PCDH17: variants seen among roughly 807,000 people sequenced by gnomAD.
PCDH17 encodes protocadherin 17.
Under a neutral mutation model 67.7 loss-of-function variants are expected in PCDH17, and 21 were observed. That is an observed-to-expected ratio of 0.31 (90% CI 0.22 to 0.45). The LOEUF (loss-of-function observed/expected upper bound fraction) is 0.45. Ranked by LOEUF, PCDH17 falls within the 20% of genes least tolerant of loss-of-function variation. The probability of loss-of-function intolerance (pLI) is 1.00; values close to 1 mark genes in which losing one functional copy is unlikely to be tolerated. For synonymous variants in PCDH17, 701 were observed against 656.7 expected (o/e 1.07, Z -1.03); for missense variants, 1,471 against 1,564.8 (o/e 0.94, Z 1.01).
chr13:57,661,424 TA>T (rs1955182441), intron 1 of PCDH17, among the ~76,000 whole-genome samples: 1 of 152,166 alleles, frequency 6.6e-6, no homozygotes, highest in Non-Finnish European at 1.5e-5. Context: ...AGCTTGTTTT[TA>T]AATTCTCTTA....
In PCDH17 at chr13:57,665,172, T is replaced by TGGG. The variant is rs549277336; in HGVS notation, c.2566-1290_2566-1288dup. 8.5e-3 allele frequency among the ~76,000 whole-genome samples: 1,286 copies of TGGG among 150,448 alleles called. 23 individuals are homozygous for TGGG. The highest frequency in any genetic ancestry group is 0.03 in the African/African-American group (1,232 of 41,034). ...AAAAGGTTATATATTAAGAAATTTG[T>TGGG]GGGGGGGGTTTCTGTCCCCAAACTT... is the stretch of plus-strand genomic sequence containing the variant. On this transcript the variant is annotated intron_variant, in intron 1 of 3. Transcript: ENST00000377918.
chr13:57,638,445 G>A (rs1954851447), intron 1 of PCDH17, among the ~76,000 whole-genome samples: 3 of 151,934 alleles, frequency 2.0e-5, no homozygotes, highest in African/African-American at 7.2e-5. Context: ...GAACATCTGT[G>A]TTTTCACATT....
intron 3 of PCDH17, among the ~76,000 whole-genome samples, chr13:57,702,358 C>T (rs997001121): frequency 5.3e-5 from 8 of 151,920 alleles, no homozygotes; most frequent in Non-Finnish European, 7.4e-5. Flanking sequence ...GGCATCATAA[C>T]CTAATAGTAG....
At chr13:57,640,151 T>C (rs904341431) in intron 1 of PCDH17, among the ~76,000 whole-genome samples, 1 of 152,006 alleles carries the variant, frequency 6.6e-6, no homozygotes, top group African/African-American at 2.4e-5. Flanking sequence ...AGCATTTATA[T>C]TTTATCATGT....
In PCDH17 at chr13:57,668,577, G is replaced by A. The variant is rs150495897; in HGVS notation, c.2797+1744G>A. Among the ~76,000 whole-genome samples the A allele has an allele frequency of 4.1e-4, 62 of 152,080 alleles. 2 individuals are homozygous for A. The highest frequency in any genetic ancestry group is 7.2e-4 in the Admixed American group (11 of 15,240). On this transcript the variant is annotated intron_variant, in intron 3 of 3. Coordinates refer to ENST00000377918, the MANE Select transcript of PCDH17 (RefSeq NM_001040429.3). ...GGTCTTATTTATTAAGTATGAAAAT[G>A]CAATTTATACTAAAAAGCTATTTTT... is the stretch of plus-strand genomic sequence containing the variant.
At chr13:57,652,139 G>A (rs1052410697) in intron 1 of PCDH17, among the ~76,000 whole-genome samples, 33 of 151,878 alleles carry the variant, frequency 2.2e-4, no homozygotes, top group African/African-American at 7.5e-4. Flanking sequence ...TTAGCCGGGC[G>A]CGGTGGCGGG....
At chr13:57,682,212 T>G (rs1328288785) in intron 3 of PCDH17, among the ~76,000 whole-genome samples, 1 of 151,768 alleles carries the variant, frequency 6.6e-6, no homozygotes, top group Non-Finnish European at 1.5e-5. Context: ...ACAAAGGAAT[T>G]ACTATTTCCT....
chr13:57,669,588 T>C (rs1416715975), intron 3 of PCDH17, among the ~76,000 whole-genome samples: 1 of 152,138 alleles, frequency 6.6e-6, no homozygotes, highest in African/African-American at 2.4e-5. Context: ...CTACAATTTA[T>C]TGAGTTCTTA....
intron 1 of PCDH17, among the ~76,000 whole-genome samples, chr13:57,650,260 GTA>G (rs1491427162): frequency 4.1e-5 from 6 of 146,572 alleles, no homozygotes; most frequent in Admixed American, 6.9e-5. Context: ...GTGTGTGTGT[GTA>G]ATAACAGATA....
At chr13:57,694,596 C>T (rs1320745553) in intron 3 of PCDH17, among the ~76,000 whole-genome samples, 1 of 151,188 alleles carries the variant, frequency 6.6e-6, no homozygotes, top group African/African-American at 2.4e-5. Context: ...ACACTTAACA[C>T]TAGTTTCAGT....
intron 1 of PCDH17, among the ~76,000 whole-genome samples, chr13:57,652,512 T>C (rs1955055092): frequency 6.6e-6 from 1 of 152,128 alleles, no homozygotes; most frequent in Non-Finnish European, 1.5e-5. Flanking sequence ...AACTCTAAAG[T>C]AGAAAGATGT....
rs1311919816 is a variant in PCDH17 at position 57,633,317 on chromosome 13, G to T, written c.771G>T (p.Pro257=). ...TGGTGGAACTGCCCGAGAACGCTCC[G>T]CTGGGTACAGTGGTCATCGATCTGA... ...SYLVELPENA[P]LGTVVIDLNA... Residue 257 remains proline (P), a synonymous_variant, in exon 1 of 4, where the codon CCG becomes CCT. Coordinates refer to ENST00000377918, the MANE Select transcript of PCDH17 (RefSeq NM_001040429.3). The surrounding 1 kb of genome is among the most constrained non-coding windows in gnomAD (Gnocchi z 6.2). The T allele has an allele frequency of 6.2e-6, 10 of 1,613,210 alleles. No homozygotes were observed. The East Asian group carries it at 1.3e-4, about 22-fold the overall frequency.
At chr13:57,711,961 ATATTTATTTTTAG>A (rs1264203317) in intron 3 of PCDH17, among the ~76,000 whole-genome samples, 5 of 151,542 alleles carry the variant, frequency 3.3e-5, no homozygotes, top group Non-Finnish European at 7.4e-5. Context: ...ATGTGCAGAT[ATATTTATTTTTAG>A]TAATAAAACA....
chr13:57,718,170 G>A (rs1955839114), intron 3 of PCDH17, among the ~76,000 whole-genome samples: 2 of 151,886 alleles, frequency 1.3e-5, no homozygotes, highest in East Asian at 1.9e-4. Context: ...GCTAAGCAAG[G>A]GATGGATTCT....
At chr13:57,717,005 G>A (rs758712286) in intron 3 of PCDH17, among the ~76,000 whole-genome samples, 8 of 151,990 alleles carry the variant, frequency 5.3e-5, no homozygotes, top group African/African-American at 9.7e-5. Context: ...CGTTTGAATT[G>A]TATTGTTTTT....
chr13:57,703,239 C>G (rs531649232), intron 3 of PCDH17, among the ~76,000 whole-genome samples: 39 of 152,106 alleles, frequency 2.6e-4, no homozygotes, highest in African/African-American at 8.4e-4. Flanking sequence ...TGCTTTTAGG[C>G]CTAACAAGCA....
chr13:57,665,883 G>A (rs1384487873), intron 1 of PCDH17, among the ~76,000 whole-genome samples: 1 of 152,046 alleles, frequency 6.6e-6, no homozygotes, highest in Non-Finnish European at 1.5e-5. Context: ...CATTCCGACT[G>A]GATTGTTTGA....
chr13:57,662,771 T>C (rs1230462179), intron 1 of PCDH17, among the ~76,000 whole-genome samples: 1 of 152,200 alleles, frequency 6.6e-6, no homozygotes, highest in Non-Finnish European at 1.5e-5. Flanking sequence ...ATATCATTTA[T>C]AAATGTACCA....
chr13:57,714,835 C>T (rs1291599979), intron 3 of PCDH17, among the ~76,000 whole-genome samples: 4 of 151,418 alleles, frequency 2.6e-5, no homozygotes, highest in African/African-American at 9.7e-5. Flanking sequence ...GTGTCTCATT[C>T]GACACGGCAA....
Sources: gnomAD v4.1 joint callset for allele counts (sites outside exome capture counted in the v4.1 genomes callset) on GRCh38, gnomAD v4.1.1 for gene constraint, Gnocchi (gnomAD v3.1) non-coding constraint, MANE v1.5 for transcripts, NCBI Gene and HGNC (gene_info 2026-07-23, HGNC 2026-07-21) for gene names.